Variants in ATRNL1 observed in about 807,000 individuals in gnomAD.
ATRNL1 encodes attractin-like protein 1.
A neutral mutation model predicts 182.7 loss-of-function variants in ATRNL1; 95 were observed. The ratio of observed to expected loss-of-function variants is 0.52; its 90% confidence interval spans 0.44 to 0.62. ATRNL1 has a LOEUF of 0.62. ATRNL1 is among the 20% of genes least tolerant of loss of function. ATRNL1 has a pLI of 0.00. For synonymous variants in ATRNL1, 576 were observed against 568.3 expected (o/e 1.01, Z -0.19); for missense variants, 1,471 against 1,679.5 (o/e 0.88, Z 2.17).
intron 28 of ATRNL1, among the ~76,000 whole-genome samples, chr10:115,856,680 T>C (rs1352637391): frequency 1.3e-5 from 2 of 152,000 alleles, no homozygotes; most frequent in Admixed American, 1.3e-4. Context: ...GTTTGCAGCC[T>C]AGATCCCTCA....
At chr10:115,698,961 C>T (rs1032238123) in intron 26 of ATRNL1, among the ~76,000 whole-genome samples, 2 of 152,064 alleles carry the variant, frequency 1.3e-5, no homozygotes, top group Non-Finnish European at 2.9e-5. Context: ...TATTTATATA[C>T]ACCAGCAACA....
intron 27 of ATRNL1, 135 bp from the exon 28 acceptor site, chr10:115,847,742 G>C (rs1037009449): frequency 9.7e-6 from 6 of 619,784 alleles, no homozygotes; most frequent in Non-Finnish European, 1.5e-5. Context: ...CAAGGAGCTA[G>C]TGTTAAAATA....
At chr10:115,212,579 A>G (rs1234166172) in intron 8 of ATRNL1, among the ~76,000 whole-genome samples, 2 of 152,132 alleles carry the variant, frequency 1.3e-5, no homozygotes, top group African/African-American at 2.4e-5. Context: ...CACTATTCAC[A>G]ATAGCAAAGA....
chr10:115,672,349 T>G (rs565710357), intron 26 of ATRNL1, among the ~76,000 whole-genome samples: 2 of 152,250 alleles, frequency 1.3e-5, no homozygotes, highest in South Asian at 2.1e-4. Flanking sequence ...CGAAGCCTAT[T>G]CTTTTTCCAA....
rs1473068721 is a variant in ATRNL1, at chr10:115,742,324, A to G, written c.3903+14969A>G. On this transcript the variant is annotated intron_variant, in intron 27 of 28. Coordinates refer to ENST00000355044, the MANE Select transcript of ATRNL1 (RefSeq NM_207303.4). Reference sequence around the variant, plus strand: ...AAGCAGAGAAAGGATCAAGAAGTCAAGTAGAAGTATTAATTTTAGAAAGAT... The same window carrying G: ...AAGCAGAGAAAGGATCAAGAAGTCAGGTAGAAGTATTAATTTTAGAAAGAT... Among the ~76,000 whole-genome samples, 8 of 152,158 alleles carry G rather than the reference A, an allele frequency of 5.3e-5. No homozygotes were observed. In the East Asian group the frequency reaches 1.5e-3, roughly 29 times the overall value.
intron 19 of ATRNL1, among the ~76,000 whole-genome samples, chr10:115,342,829 C>G (rs1554938774): frequency 6.6e-6 from 1 of 151,840 alleles, no homozygotes; most frequent in African/African-American, 2.4e-5. Flanking sequence ...GTCTTTATTT[C>G]TCCTTCATGT....
At chr10:115,227,443 G>A (rs1849746338) in intron 9 of ATRNL1, among the ~76,000 whole-genome samples, 1 of 152,126 alleles carries the variant, frequency 6.6e-6, no homozygotes, top group Non-Finnish European at 1.5e-5. Flanking sequence ...GCAGAGAAAA[G>A]TGAATGCTTA....
intron 27 of ATRNL1, among the ~76,000 whole-genome samples, chr10:115,799,975 C>G (rs1312987851): frequency 6.6e-6 from 1 of 152,042 alleles, no homozygotes; most frequent in Non-Finnish European, 1.5e-5. Flanking sequence ...AATCCCAGCA[C>G]TTTGGGAGGC....
chr10:115,651,768 T>C (rs1265164157), intron 26 of ATRNL1, among the ~76,000 whole-genome samples: 1 of 152,174 alleles, frequency 6.6e-6, no homozygotes, highest in African/African-American at 2.4e-5. Flanking sequence ...ATGATACCTT[T>C]GGTTAGTTTG....
At position 115,827,914 on chromosome 10, in the gene ATRNL1, C is replaced by A. The variant is rs146501872; in HGVS notation, c.3904-19963C>A. 3.3e-5 allele frequency among the ~76,000 whole-genome samples: 5 copies of A among 152,194 alleles called. No individual in the cohort carries two copies. In the East Asian group the frequency reaches 9.7e-4, roughly 29 times the overall value. ...TACCCCAGAGCTCCTTCTTGCTCAG[C>A]ACCCAAGACAAGTGGACCACAGAGA... On this transcript the variant is annotated intron_variant, in intron 27 of 28. Coordinates refer to ENST00000355044, the MANE Select transcript of ATRNL1 (RefSeq NM_207303.4).
chr10:115,154,280 TC>T (rs36180404), intron 5 of ATRNL1, among the ~76,000 whole-genome samples: 31,311 of 151,306 alleles, frequency 0.21, 4,151 homozygotes, highest in Non-Finnish European at 0.3. Flanking sequence ...ACCTTCTGTC[TC>T]ATTGATCTGT....
intron 10 of ATRNL1, among the ~76,000 whole-genome samples, chr10:115,244,175 A>G (rs1467156876): frequency 1.3e-5 from 2 of 152,100 alleles, no homozygotes; most frequent in African/African-American, 2.4e-5. Context: ...GCATTTATGG[A>G]AGGCACTTAA....
At chr10:115,918,149 TGGA>T (rs1242468526) in intron 28 of ATRNL1, among the ~76,000 whole-genome samples, 3 of 22 alleles carry the variant, frequency 0.14, no homozygotes, top group Non-Finnish European at 0.17. Flanking sequence ...TAGCCCAGGC[TGGA>T]GTGTATTACA....
chr10:115,248,793 T>G (rs1442398867), intron 10 of ATRNL1, among the ~76,000 whole-genome samples: 1 of 152,062 alleles, frequency 6.6e-6, no homozygotes, highest in East Asian at 1.9e-4. Context: ...CCCAGTAAAG[T>G]ACCATCATTT....
At chr10:115,691,391 A>G (rs1555048162) in intron 26 of ATRNL1, among the ~76,000 whole-genome samples, 1 of 152,160 alleles carries the variant, frequency 6.6e-6, no homozygotes, top group African/African-American at 2.4e-5. Context: ...GCACCTTTTC[A>G]TATACATTTT....
intron 5 of ATRNL1, among the ~76,000 whole-genome samples, chr10:115,158,621 A>G (rs1554882589): frequency 6.6e-6 from 1 of 152,016 alleles, no homozygotes; most frequent in East Asian, 1.9e-4. Context: ...AAGCATTGAA[A>G]AAAATCTTGA....
At chr10:115,408,761 AG>A (rs1554959061) in intron 20 of ATRNL1, among the ~76,000 whole-genome samples, 1 of 151,724 alleles carries the variant, frequency 6.6e-6, no homozygotes, top group Non-Finnish European at 1.5e-5. Context: ...GCAAGAGGTG[AG>A]GGGTCTAGTT....
intron 25 of ATRNL1, among the ~76,000 whole-genome samples, chr10:115,524,926 G>A (rs1851132320): frequency 6.6e-6 from 1 of 152,274 alleles, no homozygotes; most frequent in Non-Finnish European, 1.5e-5. Context: ...TAGTCAAAAT[G>A]TCTGCTTATT....
intron 26 of ATRNL1, among the ~76,000 whole-genome samples, chr10:115,712,867 CA>C (rs68003846): frequency 0.47 from 66,024 of 139,830 alleles, 15,190 homozygotes; most frequent in East Asian, 0.72. Flanking sequence ...GACAATGTTT[CA>C]AAAAAAAAAA....
Sources: allele counts gnomAD v4.1 joint callset (sites outside exome capture counted in the v4.1 genomes callset), GRCh38; gene constraint gnomAD v4.1.1; transcripts MANE v1.5; gene names NCBI Gene and HGNC (gene_info 2026-07-23, HGNC 2026-07-21).